CTPS1: variants seen among roughly 807,000 people sequenced by gnomAD.
CTPS1 encodes the protein CTP synthase 1, also known as CTP synthetase 1.
In CTPS1, 25 loss-of-function variants were observed where a neutral mutation model predicts 80.5. The observed-to-expected ratio is 0.31, with a 90% CI of 0.23 to 0.43. The LOEUF (loss-of-function observed/expected upper bound fraction) is 0.43, where lower values mean the gene tolerates loss of function less well. CTPS1 is among the 20% of genes least tolerant of loss of function. The probability of loss-of-function intolerance (pLI) is 1.00; values close to 1 mark genes in which losing one functional copy is unlikely to be tolerated. For synonymous variants in CTPS1, 267 were observed against 252.5 expected, an observed-to-expected ratio of 1.06 and a Z score of -0.54; for missense variants, 442 against 725.7, an observed-to-expected ratio of 0.61 and a Z score of 4.49.
intron 1 of CTPS1, 52 bp from the exon 2 acceptor site, chr1:40,983,226 G>C: frequency 6.7e-7 from 1 of 1,497,134 alleles, no homozygotes; most frequent in South Asian, 1.3e-5. Context: ...ACCCAGATGA[G>C]TTTGGTTTGT....
chr1:40,989,445 C>T (rs1016172548), intron 5 of CTPS1, among the ~76,000 whole-genome samples: 1 of 152,164 alleles, frequency 6.6e-6, no homozygotes, highest in Non-Finnish European at 1.5e-5. Flanking sequence ...GGCCATTCCA[C>T]GTAGGAGGTT....
At chr1:41,005,661 C>T (rs1431115173) in intron 12 of CTPS1, among the ~76,000 whole-genome samples, 3 of 152,146 alleles carry the variant, frequency 2.0e-5, no homozygotes, top group African/African-American at 4.8e-5. Context: ...AATCCCAGTA[C>T]TTTGGGATGC....
chr1:41,000,960 T>C, intron 9 of CTPS1, 69 bp from the exon 10 acceptor site: 2 of 982,006 alleles, frequency 2.0e-6, no homozygotes, highest in Non-Finnish European at 3.0e-6. Flanking sequence ...GATAATATTA[T>C]TTAAAAATTA....
At chr1:41,003,449 CA>C (rs1424040502) in intron 12 of CTPS1, among the ~76,000 whole-genome samples, 3 of 152,142 alleles carry the variant, frequency 2.0e-5, no homozygotes, top group Non-Finnish European at 2.9e-5. Flanking sequence ...CCGTGGCCAC[CA>C]TCCTGAAGCT....
At chr1:40,984,754 G>T in intron 2 of CTPS1, 67 bp from the exon 3 acceptor site, 1 of 1,224,980 alleles carries the variant, frequency 8.2e-7, no homozygotes, top group Non-Finnish European at 1.1e-6. Context: ...TTTTATTTCA[G>T]GATTGCAGTT....
chr1:40,990,219 T>C (rs1642568334), intron 5 of CTPS1, among the ~76,000 whole-genome samples: 1 of 152,204 alleles, frequency 6.6e-6, no homozygotes, highest in East Asian at 1.9e-4. Flanking sequence ...AAATACTTAC[T>C]ATCAGGGCCT....
intron 7 of CTPS1, among the ~76,000 whole-genome samples, chr1:40,994,377 A>C (rs1343423563): frequency 6.6e-6 from 1 of 152,192 alleles, no homozygotes; most frequent in East Asian, 1.9e-4. Flanking sequence ...TACTTTTTAA[A>C]AATAAAGGTA....
Position 41,007,194 on chromosome 1 carries a change from C to T in CTPS1, c.1297-255C>T, listed in dbSNP as rs928812596. ...ATGCTTACCGTCCACAGTGCTGGGG[C>T]GGGACTAGCCTGAGGAGGGGCTGCT... On this transcript the variant is annotated intron_variant, in intron 13 of 18. Transcript: ENST00000650070. The surrounding 1 kb of genome is among the most constrained non-coding windows in gnomAD (Gnocchi z 4.4). Among the ~76,000 whole-genome samples the T allele has an allele frequency of 5.9e-5, 9 of 152,102 alleles. No individual in the cohort carries two copies. The South Asian group carries it at 6.2e-4, about 11-fold the overall frequency.
chr1:41,000,085 G>T (rs1207057083), intron 9 of CTPS1, among the ~76,000 whole-genome samples: 1 of 152,158 alleles, frequency 6.6e-6, no homozygotes, highest in African/African-American at 2.4e-5. Context: ...GACACAAAAG[G>T]TTATATACTA....
At chr1:41,008,504 G>A (rs554516502) in intron 14 of CTPS1, among the ~76,000 whole-genome samples, 155 bp from the exon 15 acceptor site, 166 of 152,320 alleles carry the variant, frequency 1.1e-3, no homozygotes, top group African/African-American at 3.8e-3. Flanking sequence ...AAACTGTGTT[G>A]TTAAGAGCAG....
chr1:41,009,593 G>GGC lies in CTPS1; in HGVS notation c.1691+7_1691+8dup. 1 of 1,614,038 alleles carries GGC rather than the reference G, an allele frequency of 6.2e-7. No homozygotes were observed. The highest frequency in any genetic ancestry group is 8.5e-7 in the Non-Finnish European group (1 of 1,180,014). ...AAGGCTGCAGGCTCTCACCCAGGTA[G>GGC]GCGCACTCTTTGCTTCAGTAATCCA... On this transcript the variant is annotated splice_donor_region_variant and intron_variant, in intron 17 of 18. Coordinates refer to ENST00000650070, the MANE Select transcript of CTPS1 (RefSeq NM_001905.4).
At position 40,991,768 on chromosome 1, in the gene CTPS1, G is replaced by A. The variant is rs1642616851; in HGVS notation, c.643G>A (p.Val215Ile). 1.2e-6 allele frequency: 2 copies of A among 1,612,150 alleles called. No individual in the cohort carries two copies. The highest frequency in any genetic ancestry group is 2.7e-5 in the African/African-American group (2 of 74,856). Residue 215 changes from valine to isoleucine, a missense_variant, in exon 7 of 19, where the codon GTA (valine) becomes ATA (isoleucine). Physicochemically the swap from Val to Ile is conservative, Grantham distance 29. Transcript: ENST00000650070. ...CCATCTTGTTCTCTACTGCTAGGTTGTATGCAGGTGCTCAAATCCACTTGA... is the reference window on the plus strand; with the variant it reads ...CCATCTTGTTCTCTACTGCTAGGTTATATGCAGGTGCTCAAATCCACTTGA... ...RGLGLSPDLVVCRCSNPLDTS... is the reference protein window; with the variant it reads ...RGLGLSPDLVICRCSNPLDTS...
At chr1:40,981,929 A>AT (rs1642318917) in intron 1 of CTPS1, 35 of 1,255,812 alleles carry the variant, frequency 2.8e-5, no homozygotes, top group Non-Finnish European at 3.6e-5. Context: ...TCCTTAGTTT[A>AT]TTTTTATCAT....
chr1:40,980,491 C>G (rs1047898083), intron 1 of CTPS1: 1 of 152,176 alleles, frequency 6.6e-6, no homozygotes, highest in African/African-American at 2.4e-5. Context: ...CGTCCACGCT[C>G]GTTACAGTTT....
chr1:40,994,410 A>G (rs905799517), intron 7 of CTPS1, among the ~76,000 whole-genome samples: 1 of 152,234 alleles, frequency 6.6e-6, no homozygotes, highest in African/African-American at 2.4e-5. Context: ...ACTAATCTTC[A>G]TAAAGTTGTT....
At chr1:41,008,068 T>C (rs1361804215) in intron 14 of CTPS1, among the ~76,000 whole-genome samples, 1 of 152,250 alleles carries the variant, frequency 6.6e-6, no homozygotes, top group Non-Finnish European at 1.5e-5. Flanking sequence ...CCCTTGTGTC[T>C]GTCTGGGCGT....
intron 1 of CTPS1, chr1:40,980,130 G>C (rs895635304): frequency 2.8e-4 from 43 of 151,376 alleles, no homozygotes; most frequent in African/African-American, 1.0e-3. Flanking sequence ...GCGCTGCCGC[G>C]CTGGGCCGCG....
intron 9 of CTPS1, among the ~76,000 whole-genome samples, chr1:40,999,125 G>T (rs1642835331): frequency 6.6e-6 from 1 of 152,188 alleles, no homozygotes; most frequent in Non-Finnish European, 1.5e-5. Flanking sequence ...CATGAGGAAG[G>T]CAGACTTCCT....
chr1:40,980,095 G>C (rs1313756284), intron 1 of CTPS1: 1 of 151,192 alleles, frequency 6.6e-6, no homozygotes, highest in Admixed American at 6.6e-5. Flanking sequence ...CGGGGCGCGG[G>C]GCGGCTTCAG....
Sources: gnomAD v4.1 joint callset for allele counts (sites outside exome capture counted in the v4.1 genomes callset) on GRCh38, gnomAD v4.1.1 for gene constraint, Gnocchi (gnomAD v3.1) non-coding constraint, MANE v1.5 for transcripts, NCBI Gene and HGNC (gene_info 2026-07-23, HGNC 2026-07-21) for gene names.